PCDH12: variants seen among roughly 807,000 people sequenced by gnomAD.
PCDH12 encodes protocadherin 12.
In PCDH12, 45 loss-of-function variants were observed where a neutral mutation model predicts 70.9. The ratio of observed to expected loss-of-function variants is 0.63; its 90% CI spans 0.50 to 0.81. PCDH12 has a LOEUF of 0.81. Among genes scored for constraint, PCDH12 ranks in the 40% least tolerant of loss-of-function variants. PCDH12 has a pLI of 0.00. For synonymous variants in PCDH12, 567 were observed against 626.0 expected (o/e 0.91, Z 1.41); for missense variants, 1,370 against 1,491.7 (o/e 0.92, Z 1.34).
rs1204897156 is a variant in PCDH12 at position 141,945,920 on chromosome 5, A to G, written c.3131-115T>C. 9 of 955,120 alleles carry G rather than the reference A, an allele frequency of 9.4e-6. No homozygotes were observed. The South Asian group carries it at 1.3e-4, about 14-fold the overall frequency. 59.2% of individuals were successfully genotyped at this position (955,120 alleles called of 1,614,324 possible). A position where few individuals can be genotyped will look rare whatever the true frequency, so the allele number is the denominator to read the frequency against. On this transcript the variant is annotated intron_variant, in intron 3 of 3. Transcript: ENST00000231484. ...GGACAAAGGAGGGAAGGGAAATGGC[A>G]GGGGACAGACAGAGTGGCCAGACGG...
At position 141,945,431 on chromosome 5, in the gene PCDH12, C is replaced by T. The variant is rs377240487; in HGVS notation, c.3505G>A (p.Gly1169Arg). 9 of 1,603,076 alleles carry T rather than the reference C, an allele frequency of 5.6e-6. No individual in the cohort carries two copies. In the African/African-American group the frequency reaches 1.1e-4, roughly 19 times the overall value. ...CTGCCTCTGCTCTTGCCCTCAGTCC[C>T]CGTCTTTCCACCTGGGTCCCCTTGC... ...KVQGDPGGKTGTEGKSRGSSS... is the reference protein window; with the variant it reads ...KVQGDPGGKTRTEGKSRGSSS... The change falls in exon 4 of 4, where the codon GGG becomes AGG. Residue 1169 changes from glycine (G) to arginine (R), a missense_variant. By Grantham distance (125) the Gly-to-Arg change is moderately radical. Coordinates refer to ENST00000231484, the MANE Select transcript of PCDH12 (RefSeq NM_016580.4).
At chr5:141,954,108 A>G (rs1753136205) in intron 1 of PCDH12, among the ~76,000 whole-genome samples, 1 of 114,626 alleles carries the variant, frequency 8.7e-6, no homozygotes, top group Non-Finnish European at 1.9e-5. Flanking sequence ...CATAATCCCC[A>G]TTTTATAGAT....
In PCDH12 at chr5:141,957,812, GC is replaced by G; in HGVS notation, c.39del (p.Pro14GlnfsTer8). The G allele has an allele frequency of 6.2e-7, 1 of 1,601,746 alleles. No homozygotes were observed. Among genetic ancestry groups the G allele is most frequent in the Non-Finnish European group, 8.5e-7 (1 of 1,179,618 alleles). ...CCTAAAAGAAATAAGTAGCCACCTG[GC>G]CCCAAAAGCCCCAGCAGAAGTTGCA... The part of the protein sequence containing the change: ...QLLQLLLGLL[G>X]PGGYLFLLGD... On this transcript the variant is annotated frameshift_variant, in exon 1 of 4. Coordinates refer to ENST00000231484, the MANE Select transcript of PCDH12 (RefSeq NM_016580.4). LOFTEE classifies it high-confidence loss of function. This position sits in a 1 kb window ranked among gnomAD's most constrained non-coding sequence, Gnocchi z 4.3.
At chr5:141,946,344 G>T (rs1752927879) in intron 3 of PCDH12, among the ~76,000 whole-genome samples, 1 of 152,192 alleles carries the variant, frequency 6.6e-6, no homozygotes, top group Admixed American at 6.5e-5. Context: ...AACCTTTGAG[G>T]TCAAGAGTAT....
chr5:141,951,236 C>T (rs1189408386), intron 2 of PCDH12, among the ~76,000 whole-genome samples: 5 of 152,188 alleles, frequency 3.3e-5, no homozygotes, highest in Non-Finnish European at 7.4e-5. Flanking sequence ...AGGTCATTTC[C>T]TTGGTGACTA....
chr5:141,952,299 G>A (rs1753100107), intron 1 of PCDH12: 1 of 152,300 alleles, frequency 6.6e-6, no homozygotes, highest in South Asian at 2.1e-4. Context: ...GGGAGCAGAG[G>A]GCCCCTAACC....
Position 141,945,572 on chromosome 5 carries a change from C to T in PCDH12, c.3364G>A (p.Glu1122Lys), listed in dbSNP as rs1350132011. 7 of 1,613,932 alleles carry T rather than the reference C, an allele frequency of 4.3e-6. No homozygotes were observed. The highest frequency in any genetic ancestry group is 1.7e-5 in the Admixed American group (1 of 60,014). ...TCCACGGGCATGCTGGAGCGCTGTT[C>T]CAGCAGCATCTCCAGCAGTGAGCTC... ...EMSSLLEMLLEQRSSMPVEAA... is the reference protein window; with the variant it reads ...EMSSLLEMLLKQRSSMPVEAA... Residue 1122 changes from glutamate (E) to lysine (K), a missense_variant, in exon 4 of 4, where the codon GAA becomes AAA. Coordinates refer to ENST00000231484, the MANE Select transcript of PCDH12 (RefSeq NM_016580.4).
In PCDH12 at chr5:141,957,505, A is replaced by G. The variant is rs770966834; in HGVS notation, c.347T>C (p.Leu116Ser). Residue 116 changes from leucine (L) to serine (S), a missense_variant, in exon 1 of 4, where the codon TTG (leucine) becomes TCG (serine). Transcript: ENST00000231484. The surrounding 1 kb of genome is among the most constrained non-coding windows in gnomAD (Gnocchi z 4.3). ...VSFDVLATGDLALIHVEIQVL... is the reference protein window; with the variant it reads ...VSFDVLATGDSALIHVEIQVL... The stretch of plus-strand genomic sequence containing the variant: ...TTGGATCTCCACATGGATCAGAGCC[A>G]AATCCCCTGTGGCAAGCACATCAAA... 2 of 1,614,000 alleles carry G rather than the reference A, an allele frequency of 1.2e-6. No homozygotes were observed. Among genetic ancestry groups the G allele is most frequent in the African/African-American group, 1.3e-5 (1 of 74,938 alleles).
chr5:141,956,933 G>C lies in PCDH12; in HGVS notation c.919C>G (p.Arg307Gly). Residue 307 changes from arginine (R) to glycine (G), a missense_variant, in exon 1 of 4, where the codon CGT (arginine) becomes GGT (glycine). Transcript: ENST00000231484. ...IDAKTGQVIL[R>G]RPLDYEKNPA... ...TTCTTTTCATAGTCTAGAGGTCGACGCAGAATGACCTGGCCTGTCTTGGCA... is the reference window on the plus strand; with the variant it reads ...TTCTTTTCATAGTCTAGAGGTCGACCCAGAATGACCTGGCCTGTCTTGGCA... 1.9e-6 allele frequency: 3 copies of C among 1,614,108 alleles called. No homozygotes were observed. Among genetic ancestry groups the C allele is most frequent in the Non-Finnish European group, 2.5e-6 (3 of 1,180,000 alleles).
Position 141,956,757 on chromosome 5 carries a change from T to A in PCDH12, c.1095A>T (p.Glu365Asp). 1 of 1,614,220 alleles carries A rather than the reference T, an allele frequency of 6.2e-7. No individual in the cohort carries two copies. The highest frequency in any genetic ancestry group is 8.5e-7 in the Non-Finnish European group (1 of 1,180,046). Residue 365 changes from glutamate to aspartate, a missense_variant, in exon 1 of 4, where the codon GAA becomes GAT. Transcript: ENST00000231484. ...TWASQPSLVSEALPKDSFIAL... is the reference protein window; with the variant it reads ...TWASQPSLVSDALPKDSFIAL... ...CAATAAAACTGTCCTTGGGAAGAGC[T>A]TCTGACACCAGTGATGGCTGGGAGG...
rs765130095 is a variant in PCDH12, at chr5:141,949,628, T to G, written c.2979-45A>C. The G allele has an allele frequency of 1.9e-6, 3 of 1,589,040 alleles. No homozygotes were observed. In the East Asian group the frequency reaches 6.8e-5, roughly 36 times the overall value. ...GTCCATGGGTAGGGACATTCCCATA[T>G]AGATTCATTCATTCATGCCCATTCA... On this transcript the variant is annotated intron_variant, in intron 2 of 3. Coordinates refer to ENST00000231484, the MANE Select transcript of PCDH12 (RefSeq NM_016580.4).
rs757841190 is a variant in PCDH12, at chr5:141,954,966, A to G, written c.2880+6T>C. The G allele has an allele frequency of 1.1e-5, 18 of 1,605,592 alleles. No homozygotes were observed. The highest frequency in any genetic ancestry group is 6.7e-5 in the Admixed American group (4 of 59,688). ...CCAGAGAAAGAGCTGCCCATGCCCC[A>G]GGTACCTGAACAGGAGGAGAATCCA... On this transcript the variant is annotated splice_donor_region_variant and intron_variant, in intron 1 of 3. Coordinates refer to ENST00000231484, the MANE Select transcript of PCDH12 (RefSeq NM_016580.4).
In PCDH12 at chr5:141,956,536, G is replaced by T. The variant is rs192248760; in HGVS notation, c.1316C>A (p.Pro439His). The stretch of plus-strand genomic sequence containing the variant: ...GCTGAGCTGTTTCTTGGCTGATAAG[G>T]GCTGGAGTCCTTGGTCTTGGGCTAA... ...TLLAQDQGLQ[P>H]LSAKKQLSIQ... The change falls in exon 1 of 4, where the codon CCC becomes CAC. Residue 439 changes from proline to histidine, a missense_variant. Transcript: ENST00000231484. The T allele has an allele frequency of 2.1e-5, 34 of 1,614,190 alleles. No individual in the cohort carries two copies. The East Asian group carries it at 7.4e-4, about 35-fold the overall frequency.
Position 141,945,498 on chromosome 5 carries a change from G to A in PCDH12, c.3438C>T (p.Leu1146=). Residue 1146 remains leucine (L), a synonymous_variant, in exon 4 of 4, where the codon CTC becomes CTT. Coordinates refer to ENST00000231484, the MANE Select transcript of PCDH12 (RefSeq NM_016580.4). Reference sequence around the variant, plus strand: ...CTGCACTGGTGGCCAAGTCTAAACTGAGGGTCCTCCCGCAGACCGAGAGCC... The same window carrying A: ...CTGCACTGGTGGCCAAGTCTAAACTAAGGGTCCTCCCGCAGACCGAGAGCC... ...LRRLSVCGRT[L]SLDLATSAAS... 6.2e-7 allele frequency: 1 copy of A among 1,613,598 alleles called. No homozygotes were observed. Among genetic ancestry groups the A allele is most frequent in the South Asian group, 1.1e-5 (1 of 91,058 alleles).
intron 3 of PCDH12, 142 bp from the exon 4 acceptor site, chr5:141,945,947 G>A: frequency 2.6e-6 from 2 of 766,100 alleles, no homozygotes; most frequent in South Asian, 3.6e-5. Flanking sequence ...GCCAGACGGG[G>A]ACAGGAAGGA....
chr5:141,948,186 G>T (rs1752987926), intron 3 of PCDH12, among the ~76,000 whole-genome samples: 1 of 152,142 alleles, frequency 6.6e-6, no homozygotes, highest in Non-Finnish European at 1.5e-5. Flanking sequence ...GGCAAATTAT[G>T]AAACACCCCT....
Position 141,945,572 on chromosome 5 carries a change from C to G in PCDH12, c.3364G>C (p.Glu1122Gln), listed in dbSNP as rs1350132011. The change falls in exon 4 of 4, where the codon GAA becomes CAA. Residue 1122 changes from glutamate (E) to glutamine (Q), a missense_variant. Glu to Gln is a conservative substitution (Grantham distance 29). Coordinates refer to ENST00000231484, the MANE Select transcript of PCDH12 (RefSeq NM_016580.4). ...TCCACGGGCATGCTGGAGCGCTGTT[C>G]CAGCAGCATCTCCAGCAGTGAGCTC... ...EMSSLLEMLL[E>Q]QRSSMPVEAA... is the part of the protein sequence containing the mutation. 6.2e-7 allele frequency: 1 copy of G among 1,614,050 alleles called. No homozygotes were observed. Among genetic ancestry groups the G allele is most frequent in the East Asian group, 2.2e-5 (1 of 44,884 alleles).
rs1281265601 is a variant in PCDH12 at position 141,949,583 on chromosome 5, C to T, written c.2979G>A (p.Arg993=). The change falls in exon 3 of 4, where the codon AGG becomes AGA. Residue 993 remains arginine (R), a splice_region_variant and synonymous_variant. Coordinates refer to ENST00000231484, the MANE Select transcript of PCDH12 (RefSeq NM_016580.4). ...NKYLAKPGGS[R]SAIPDTDGPS... The stretch of plus-strand genomic sequence containing the variant: ...GGCCATCTGTGTCTGGGATTGCACT[C>T]CTGCAAAAGAAACCAACCAGTCCAT... The T allele has an allele frequency of 6.2e-7, 1 of 1,612,754 alleles. No homozygotes were observed.
In PCDH12 at chr5:141,957,417, A is replaced by G; in HGVS notation, c.435T>C (p.Ser145=). Residue 145 remains serine (S), a synonymous_variant, in exon 1 of 4, where the codon TCT becomes TCC. Transcript: ENST00000231484. The surrounding 1 kb of genome is among the most constrained non-coding windows in gnomAD (Gnocchi z 4.3). ...FPKGEQELEI[S]ESASLRTRIP... ...TCCGGGTTCGCAGAGAGGCGCTCTCAGAGATTTCCAGCTCCTGCTCGCCTT... is the reference window on the plus strand; with the variant it reads ...TCCGGGTTCGCAGAGAGGCGCTCTCGGAGATTTCCAGCTCCTGCTCGCCTT... 6.2e-7 allele frequency: 1 copy of G among 1,613,070 alleles called. No individual in the cohort carries two copies. Among genetic ancestry groups the G allele is most frequent in the East Asian group, 2.2e-5 (1 of 44,884 alleles).
Sources: gnomAD v4.1 joint callset for allele counts (sites outside exome capture counted in the v4.1 genomes callset) on GRCh38, gnomAD v4.1.1 for gene constraint, Gnocchi (gnomAD v3.1) non-coding constraint, MANE v1.5 for transcripts, NCBI Gene and HGNC (gene_info 2026-07-23, HGNC 2026-07-21) for gene names.